The following ROBO2 variants were observed in gnomAD, a reference collection of about 807,000 sequenced individuals.
The protein encoded by ROBO2 is roundabout homolog 2.
In ROBO2, 53 loss-of-function variants were observed where a neutral mutation model predicts 160.8. That is an observed-to-expected ratio of 0.33 (90% CI 0.26 to 0.41). The LOEUF (loss-of-function observed/expected upper bound fraction) is 0.41, where lower values mean the gene tolerates loss of function less well. Ranked by LOEUF, ROBO2 falls within the 10% of genes least tolerant of loss-of-function variation. The pLI is 1.00. For missense variants in ROBO2, 1,577 were observed against 1,722.4 expected (o/e 0.92, Z 1.49); for synonymous variants, 664 against 611.7 (o/e 1.09, Z -1.26).
At chr3:76,736,182 T>C (rs1362194004) in intron 2 of ROBO2, among the ~76,000 whole-genome samples, 1 of 151,504 alleles carries the variant, frequency 6.6e-6, no homozygotes, top group East Asian at 2.0e-4. Context: ...CTCGGGAGGC[T>C]GAGGCAGGAG....
At chr3:77,441,317 C>G (rs1446053366) in intron 2 of ROBO2, among the ~76,000 whole-genome samples, 2 of 151,070 alleles carry the variant, frequency 1.3e-5, no homozygotes, top group Non-Finnish European at 2.9e-5. Flanking sequence ...GATACTAGAT[C>G]AGGGTGGGTT....
chr3:75,923,681 G>A (rs1156454310), intron 1 of ROBO2, among the ~76,000 whole-genome samples: 2 of 152,162 alleles, frequency 1.3e-5, no homozygotes, highest in Non-Finnish European at 2.9e-5. Context: ...GAGGAAATAA[G>A]GGTAGGCTCG....
chr3:77,578,606 C>T (rs540627551), intron 15 of ROBO2, among the ~76,000 whole-genome samples: 12 of 152,092 alleles, frequency 7.9e-5, no homozygotes, highest in Non-Finnish European at 1.8e-4. Context: ...AATGAATGGA[C>T]TAAATGTATA....
At chr3:77,425,195 G>GAAA (rs147560096) in intron 2 of ROBO2, among the ~76,000 whole-genome samples, 2 of 104,480 alleles carry the variant, frequency 1.9e-5, no homozygotes, top group Non-Finnish European at 4.3e-5. Flanking sequence ...GCAATGGCAA[G>GAAA]AAAAAAAAAA....
chr3:76,894,247 A>G (rs3936484), intron 2 of ROBO2, among the ~76,000 whole-genome samples: 45,301 of 151,986 alleles, frequency 0.3, 7,333 homozygotes, highest in Non-Finnish European at 0.35. Flanking sequence ...GATTTTGTGT[A>G]TATTTTGGTG....
At chr3:77,070,405 A>G (rs1364391329) in intron 1 of ROBO2, among the ~76,000 whole-genome samples, 4 of 151,678 alleles carry the variant, frequency 2.6e-5, no homozygotes, top group Non-Finnish European at 5.9e-5. Flanking sequence ...CCACTGTGTG[A>G]GTGTGTGTGT....
intron 2 of ROBO2, among the ~76,000 whole-genome samples, chr3:76,133,090 C>A (rs977414087): frequency 6.6e-6 from 1 of 152,010 alleles, no homozygotes; most frequent in South Asian, 2.1e-4. Context: ...TAAAGGTAAC[C>A]TCTTCAGTGT....
At chr3:76,003,379 A>G (rs1455615758) in intron 2 of ROBO2, among the ~76,000 whole-genome samples, 3 of 152,174 alleles carry the variant, frequency 2.0e-5, no homozygotes, top group Non-Finnish European at 4.4e-5. Context: ...ACAGGGCCCC[A>G]ATGTTTTTTA....
intron 2 of ROBO2, among the ~76,000 whole-genome samples, chr3:77,404,955 G>A (rs1211861647): frequency 6.6e-6 from 1 of 152,116 alleles, no homozygotes; most frequent in Non-Finnish European, 1.5e-5. Flanking sequence ...CTCCCCAACT[G>A]ATGTTGTTTC....
chr3:77,591,145 A>C (rs1362190108), intron 17 of ROBO2, among the ~76,000 whole-genome samples: 1 of 152,184 alleles, frequency 6.6e-6, no homozygotes, highest in Non-Finnish European at 1.5e-5. Context: ...TCATCAGTGA[A>C]ATATACATTA....
intron 23 of ROBO2, among the ~76,000 whole-genome samples, chr3:77,628,501 C>T (rs2095084235): frequency 6.6e-6 from 1 of 150,502 alleles, no homozygotes; most frequent in Non-Finnish European, 1.5e-5. Context: ...TTGTTTAAAT[C>T]TCAACATTTT....
At chr3:77,540,862 G>A (rs2092430543) in intron 6 of ROBO2, among the ~76,000 whole-genome samples, 1 of 152,140 alleles carries the variant, frequency 6.6e-6, no homozygotes, top group Non-Finnish European at 1.5e-5. Context: ...AATGCCTGTG[G>A]AGGGTTTAAC....
intron 1 of ROBO2, among the ~76,000 whole-genome samples, chr3:77,043,216 T>A (rs1186161658): frequency 6.6e-6 from 1 of 152,180 alleles, no homozygotes; most frequent in Admixed American, 6.5e-5. Flanking sequence ...CAGGATTCTA[T>A]GATTTCTATT....
At chr3:76,580,342 G>GTTTTTTTTTTTTTTT (rs71101901) in intron 2 of ROBO2, among the ~76,000 whole-genome samples, 9 of 90,556 alleles carry the variant, frequency 9.9e-5, no homozygotes, top group East Asian at 3.3e-4. Flanking sequence ...TTTTTTTTGT[G>GTTTTTTTTTTTTTTT]TTTTTTTTTT....
At chr3:77,502,532 A>C (rs979858124) in intron 5 of ROBO2, among the ~76,000 whole-genome samples, 1 of 152,190 alleles carries the variant, frequency 6.6e-6, no homozygotes, top group Non-Finnish European at 1.5e-5. Flanking sequence ...GTAAGAAAAA[A>C]TAATTTCACT....
chr3:76,577,266 A>G (rs1163639904), intron 2 of ROBO2, among the ~76,000 whole-genome samples: 1 of 152,122 alleles, frequency 6.6e-6, no homozygotes, highest in Admixed American at 6.6e-5. Context: ...GATTGCCTCA[A>G]AAATCTATCA....
intron 2 of ROBO2, among the ~76,000 whole-genome samples, chr3:76,366,384 C>G (rs1261639004): frequency 6.6e-6 from 1 of 151,936 alleles, no homozygotes; most frequent in African/African-American, 2.4e-5. Context: ...AGGTTAAATA[C>G]TTCAGATTTT....
intron 2 of ROBO2, among the ~76,000 whole-genome samples, chr3:77,188,622 A>G (rs1434576238): frequency 6.6e-6 from 1 of 151,894 alleles, no homozygotes; most frequent in Non-Finnish European, 1.5e-5. Context: ...AAAACAAAAT[A>G]CACCCTTTTC....
At chr3:76,667,889 A>G (rs1185251212) in intron 2 of ROBO2, among the ~76,000 whole-genome samples, 4 of 152,190 alleles carry the variant, frequency 2.6e-5, no homozygotes, top group Non-Finnish European at 5.9e-5. Context: ...ATAGGTTTTT[A>G]TGCACTACTG....
Sources: allele counts gnomAD v4.1 joint callset (sites outside exome capture counted in the v4.1 genomes callset), GRCh38; gene constraint gnomAD v4.1.1; transcripts MANE v1.5; gene names NCBI Gene and HGNC (gene_info 2026-07-23, HGNC 2026-07-21).